PALLD: variants seen among roughly 807,000 people sequenced by gnomAD.
PALLD encodes the protein palladin, cytoskeletal associated protein.
PALLD carries 61 observed loss-of-function variants against 123.5 expected under a neutral mutation model. The ratio of observed to expected loss-of-function variants is 0.49; its 90% CI spans 0.40 to 0.61. The LOEUF (loss-of-function observed/expected upper bound fraction) is 0.61, where lower values mean the gene tolerates loss of function less well. Among genes scored for constraint, PALLD ranks in the 20% least tolerant of loss-of-function variants. PALLD has a pLI of 0.00. For synonymous variants in PALLD, 465 were observed against 496.4 expected (o/e 0.94, Z 0.84); for missense variants, 1,273 against 1,377.0 (o/e 0.92, Z 1.20).
At chr4:168,741,561 T>C (rs1028915154) in intron 10 of PALLD, among the ~76,000 whole-genome samples, 3 of 152,076 alleles carry the variant, frequency 2.0e-5, no homozygotes, top group Admixed American at 6.5e-5. Context: ...GGCTCATGCC[T>C]GTAGTCCCAG....
At chr4:168,807,488 C>T (rs1047295976) in intron 10 of PALLD, among the ~76,000 whole-genome samples, 1 of 152,112 alleles carries the variant, frequency 6.6e-6, no homozygotes, top group South Asian at 2.1e-4. Flanking sequence ...GGGCTCACTG[C>T]GACCTCCGCC....
At chr4:168,646,295 A>G (rs1427521271) in intron 2 of PALLD, among the ~76,000 whole-genome samples, 2 of 152,216 alleles carry the variant, frequency 1.3e-5, no homozygotes, top group Non-Finnish European at 2.9e-5. Context: ...GAACCTACCA[A>G]GTAGAATATT....
chr4:168,758,488 C>T (rs111295053), intron 10 of PALLD, among the ~76,000 whole-genome samples: 17 of 152,168 alleles, frequency 1.1e-4, no homozygotes, highest in African/African-American at 3.9e-4. Flanking sequence ...CCCCACGTTG[C>T]ATTCAGAAGG....
At chr4:168,636,979 A>G (rs914976373) in intron 2 of PALLD, among the ~76,000 whole-genome samples, 12 of 152,116 alleles carry the variant, frequency 7.9e-5, no homozygotes, top group African/African-American at 2.9e-4. Flanking sequence ...CTGGTTAGAA[A>G]GGAAGTCTGT....
At chr4:168,828,235 C>T (rs1743690714) in intron 10 of PALLD, among the ~76,000 whole-genome samples, 1 of 152,128 alleles carries the variant, frequency 6.6e-6, no homozygotes, top group Non-Finnish European at 1.5e-5. Context: ...TGGTAATTTT[C>T]ATTAAAATAT....
intron 2 of PALLD, among the ~76,000 whole-genome samples, chr4:168,667,127 T>G (rs1484106967): frequency 6.6e-6 from 1 of 152,170 alleles, no homozygotes; most frequent in Non-Finnish European, 1.5e-5. Flanking sequence ...CTCATTTGCT[T>G]TATTAACTTT....
intron 14 of PALLD, among the ~76,000 whole-genome samples, chr4:168,899,983 G>A (rs72704225): frequency 0.012 from 1,874 of 152,200 alleles, 38 homozygotes; most frequent in Admixed American, 0.037. Context: ...ATACAGAAGT[G>A]TAGTACCAGA....
intron 10 of PALLD, among the ~76,000 whole-genome samples, chr4:168,890,283 A>G (rs943002461): frequency 2.6e-5 from 4 of 152,170 alleles, no homozygotes; most frequent in Non-Finnish European, 5.9e-5. Context: ...GGAGGCTTTG[A>G]GACACCAGGC....
chr4:168,535,223 G>T (rs765801219), intron 2 of PALLD, among the ~76,000 whole-genome samples: 9 of 152,118 alleles, frequency 5.9e-5, no homozygotes, highest in Non-Finnish European at 1.3e-4. Context: ...ACTGAGGAAT[G>T]ACTATATTAT....
rs539415909 is a variant in PALLD at position 168,546,888 on chromosome 4, G to A, written c.908+34476G>A. On this transcript the variant is annotated intron_variant, in intron 2 of 21. Coordinates refer to ENST00000505667, the MANE Select transcript of PALLD (RefSeq NM_001166108.2). The stretch of plus-strand genomic sequence containing the variant: ...TATGTATTTCAATCCATCACATGCT[G>A]ATCTCATAGCCACAGATTTTTTTAT... Among the ~76,000 whole-genome samples the A allele has an allele frequency of 3.3e-5, 5 of 152,230 alleles. No individual in the cohort carries two copies. In the East Asian group the frequency reaches 9.6e-4, roughly 29 times the overall value.
chr4:168,620,591 C>T (rs1317706045), intron 2 of PALLD, among the ~76,000 whole-genome samples: 3 of 152,130 alleles, frequency 2.0e-5, no homozygotes, highest in African/African-American at 7.2e-5. Context: ...GTCAGATTTG[C>T]ATTTGATAGA....
intron 10 of PALLD, among the ~76,000 whole-genome samples, chr4:168,730,550 G>A (rs1053200571): frequency 6.6e-6 from 1 of 152,042 alleles, no homozygotes; most frequent in South Asian, 2.1e-4. Flanking sequence ...CCATAAACAT[G>A]GAAAGCGTGA....
At chr4:168,865,663 T>C (rs1189416269) in intron 10 of PALLD, among the ~76,000 whole-genome samples, 1 of 152,214 alleles carries the variant, frequency 6.6e-6, no homozygotes, top group African/African-American at 2.4e-5. Flanking sequence ...ATAATGTTTC[T>C]AAATTGTATC....
rs150826381 is a variant in PALLD, at chr4:168,621,280, C to T, written c.909-46910C>T. Among the ~76,000 whole-genome samples, 465 of 152,286 alleles carry T rather than the reference C, an allele frequency of 3.1e-3. 2 individuals are homozygous for T. Among genetic ancestry groups the T allele is most frequent in the African/African-American group, 0.01 (431 of 41,570 alleles). ...GATCTATGGCATGCAAATTATATTA[C>T]GCAAAACTTCTCTCATCACTACTAA... is the stretch of plus-strand genomic sequence containing the variant. On this transcript the variant is annotated intron_variant, in intron 2 of 21. Coordinates refer to ENST00000505667, the MANE Select transcript of PALLD (RefSeq NM_001166108.2).
intron 2 of PALLD, among the ~76,000 whole-genome samples, chr4:168,538,628 TA>T (rs1236299833): frequency 2.0e-5 from 3 of 152,288 alleles, no homozygotes; most frequent in Middle Eastern, 3.4e-3. Context: ...GAACATAAAA[TA>T]AATCTTGGTT....
At chr4:168,542,508 GAGTGCTCCCACCTAGGAAACT>G (rs1561227953) in intron 2 of PALLD, among the ~76,000 whole-genome samples, 1 of 151,246 alleles carries the variant, frequency 6.6e-6, no homozygotes. Flanking sequence ...GTACTTTGTT[GAGTGCTCCCACCTAGGAAACT>G]AGTCTTTTAC....
intron 10 of PALLD, among the ~76,000 whole-genome samples, chr4:168,760,242 G>T (rs551938908): frequency 1.3e-5 from 2 of 152,030 alleles, no homozygotes; most frequent in South Asian, 4.2e-4. Context: ...GGGTTGTCAG[G>T]TTCTTTGGCC....
intron 10 of PALLD, among the ~76,000 whole-genome samples, chr4:168,745,371 A>C (rs943596984): frequency 1.4e-5 from 2 of 139,290 alleles, no homozygotes; most frequent in Non-Finnish European, 3.1e-5. Flanking sequence ...ACCCCAATCT[A>C]TATTAGTTTA....
intron 2 of PALLD, among the ~76,000 whole-genome samples, chr4:168,619,305 C>A (rs1001728036): frequency 1.3e-5 from 2 of 152,164 alleles, no homozygotes; most frequent in Admixed American, 6.5e-5. Context: ...GGATTAGGAG[C>A]TGAATGAAAC....
Sources: allele counts gnomAD v4.1 joint callset (sites outside exome capture counted in the v4.1 genomes callset), GRCh38; gene constraint gnomAD v4.1.1; transcripts MANE v1.5; gene names NCBI Gene and HGNC (gene_info 2026-07-23, HGNC 2026-07-21).